Variants in FOXK1 observed in about 807,000 individuals in gnomAD.
The protein encoded by FOXK1 is forkhead box protein K1.
FOXK1 carries 19 observed loss-of-function variants against 51.9 expected under a neutral mutation model. That is an observed-to-expected ratio of 0.37 (90% CI 0.26 to 0.54). FOXK1 has a LOEUF of 0.54. Among genes scored for constraint, FOXK1 ranks in the 20% least tolerant of loss-of-function variants. The probability of loss-of-function intolerance (pLI) is 0.87; values close to 1 mark genes in which losing one functional copy is unlikely to be tolerated. For missense variants in FOXK1, 870 were observed against 1,032.7 expected, an observed-to-expected ratio of 0.84 and a Z score of 2.16; for synonymous variants, 537 against 482.6, an observed-to-expected ratio of 1.11 and a Z score of -1.48.
chr7:4,721,589 C>CTTTTTTTTTTTTTTTTTT (rs200132324), intron 1 of FOXK1, among the ~76,000 whole-genome samples: 3 of 112,652 alleles, frequency 2.7e-5, no homozygotes, highest in Non-Finnish European at 5.2e-5. Flanking sequence ...TCTTTTTTTT[C>CTTTTTTTTTTTTTTTTTT]TTTTTTTTTT....
rs1780151454 is a variant in FOXK1, at chr7:4,709,778, A to G, written c.560+26910A>G. ...ATTCTTGGCGTTGAGTGACCTCACG[A>G]TGTGCTGTCCGTCTTCTCGCTGTTC... is the stretch of plus-strand genomic sequence containing the variant. On this transcript the variant is annotated intron_variant, in intron 1 of 8. Transcript: ENST00000328914. This position sits in a 1 kb window ranked among gnomAD's most constrained non-coding sequence, Gnocchi z 5.6. Among the ~76,000 whole-genome samples, 1 of 152,204 alleles carries G rather than the reference A, an allele frequency of 6.6e-6. No individual in the cohort carries two copies. Among genetic ancestry groups the G allele is most frequent in the African/African-American group, 2.4e-5 (1 of 41,454 alleles).
rs1413949686 is a variant in FOXK1 at position 4,753,306 on chromosome 7, T to C, written c.747-1153T>C. On this transcript the variant is annotated intron_variant, in intron 2 of 8. Transcript: ENST00000328914. This position sits in a 1 kb window ranked among gnomAD's most constrained non-coding sequence, Gnocchi z 4.9. ...AGGGGGCTCCTACTTAACCTAAGTT[T>C]TGGAGATCTAGGAGTCTTGTGCCTG... is the stretch of plus-strand genomic sequence containing the variant. 6.6e-6 allele frequency among the ~76,000 whole-genome samples: 1 copy of C among 152,148 alleles called. No individual in the cohort carries two copies. The highest frequency in any genetic ancestry group is 1.5e-5 in the Non-Finnish European group (1 of 68,018).
chr7:4,735,985 C>T lies in FOXK1; in HGVS notation c.561-4853C>T, dbSNP rs1780547447. ...CCTGGCCAACATGACCCCGTCTCTA[C>T]TAAAAATACAAAACTTAGCTGGGCT... On this transcript the variant is annotated intron_variant, in intron 1 of 8. Transcript: ENST00000328914. The surrounding 1 kb of genome is among the most constrained non-coding windows in gnomAD (Gnocchi z 4.7). Among the ~76,000 whole-genome samples, 1 of 152,152 alleles carries T rather than the reference C, an allele frequency of 6.6e-6. No homozygotes were observed. The highest frequency in any genetic ancestry group is 6.6e-5 in the Admixed American group (1 of 15,254).
rs756439884 is a variant in FOXK1 at position 4,756,695 on chromosome 7, G to A, written c.1051-299G>A. On this transcript the variant is annotated intron_variant, in intron 4 of 8. Coordinates refer to ENST00000328914, the MANE Select transcript of FOXK1 (RefSeq NM_001037165.2). This position sits in a 1 kb window ranked among gnomAD's most constrained non-coding sequence, Gnocchi z 4.1. ...CAGGAGAATCCCTTGAACCCGGGAG[G>A]CGGAACTTGCAGTGAGCCGAGATCG... 1.3e-5 allele frequency among the ~76,000 whole-genome samples: 2 copies of A among 151,800 alleles called. No homozygotes were observed. Among genetic ancestry groups the A allele is most frequent in the Non-Finnish European group, 2.9e-5 (2 of 67,962 alleles).
rs1165421762 is a variant in FOXK1 at position 4,715,702 on chromosome 7, G to C, written c.561-25136G>C. On this transcript the variant is annotated intron_variant, in intron 1 of 8. Coordinates refer to ENST00000328914, the MANE Select transcript of FOXK1 (RefSeq NM_001037165.2). The surrounding 1 kb of genome is among the most constrained non-coding windows in gnomAD (Gnocchi z 4.5). Reference sequence around the variant, plus strand: ...CCTGGGCTTGTCAAGTCAGTCTGTAGTGCACGCCGTTAGATTGGTTGTCAT... The same window carrying C: ...CCTGGGCTTGTCAAGTCAGTCTGTACTGCACGCCGTTAGATTGGTTGTCAT... 5.3e-5 allele frequency among the ~76,000 whole-genome samples: 8 copies of C among 152,200 alleles called. No individual in the cohort carries two copies. The highest frequency in any genetic ancestry group is 5.2e-4 in the Admixed American group (8 of 15,274).
intron 1 of FOXK1, among the ~76,000 whole-genome samples, chr7:4,713,258 C>T (rs1034140159): frequency 2.0e-5 from 3 of 152,252 alleles, no homozygotes; most frequent in African/African-American, 7.2e-5. Flanking sequence ...CTGTACTGAT[C>T]GTAACAGTGC....
At chr7:4,760,155 G>GC (rs1163945966) in intron 7 of FOXK1, 1 of 153,016 alleles carries the variant, frequency 6.5e-6, no homozygotes, top group Non-Finnish European at 1.5e-5. Flanking sequence ...GGCCTTGCAT[G>GC]CATTTGGAAT....
At chr7:4,700,615 A>G (rs1431858468) in intron 1 of FOXK1, among the ~76,000 whole-genome samples, 2 of 152,122 alleles carry the variant, frequency 1.3e-5, no homozygotes, top group African/African-American at 4.8e-5. Context: ...CAGGTGTTGA[A>G]GACCAGCCTG....
rs555067464 is a variant in FOXK1, at chr7:4,728,135, G to A, written c.561-12703G>A. On this transcript the variant is annotated intron_variant, in intron 1 of 8. Transcript: ENST00000328914. ...GGGACCGGCTCACAAGCTTCTGTTTGGAGCAGTTCTGTTGGCAGCCCCCCG... is the reference window on the plus strand; with the variant it reads ...GGGACCGGCTCACAAGCTTCTGTTTAGAGCAGTTCTGTTGGCAGCCCCCCG... 2.6e-3 allele frequency among the ~76,000 whole-genome samples: 403 copies of A among 152,274 alleles called. 3 individuals are homozygous for A. Among genetic ancestry groups the A allele is most frequent in the Non-Finnish European group, 4.9e-3 (336 of 68,014 alleles).
chr7:4,720,493 A>G (rs12667710), intron 1 of FOXK1, among the ~76,000 whole-genome samples: 65,301 of 151,872 alleles, frequency 0.43, 14,604 homozygotes, highest in South Asian at 0.52. Context: ...GAGCCCATTC[A>G]TTGAGGTTTC....
In FOXK1 at chr7:4,686,935, TTC is replaced by T. The variant is rs770055533; in HGVS notation, c.560+4069_560+4070del. On this transcript the variant is annotated intron_variant, in intron 1 of 8. Transcript: ENST00000328914. The stretch of plus-strand genomic sequence containing the variant: ...TTGATGCCACTTAATTTTTTTTCTT[TTC>T]TTTTTTTTTTTTTGAGACAGAGTCT... Among the ~76,000 whole-genome samples the T allele has an allele frequency of 2.1e-4, 30 of 145,212 alleles. 1 individual carries two copies. The highest frequency in any genetic ancestry group is 5.8e-4 in the African/African-American group (21 of 36,066).
At chr7:4,728,371 C>T (rs760957450) in intron 1 of FOXK1, among the ~76,000 whole-genome samples, 1 of 152,306 alleles carries the variant, frequency 6.6e-6, no homozygotes, top group East Asian at 1.9e-4. Context: ...TGTCCGGCTG[C>T]GGCTGTGCTG....
chr7:4,689,980 G>T (rs1053580101), intron 1 of FOXK1, among the ~76,000 whole-genome samples: 1 of 152,204 alleles, frequency 6.6e-6, no homozygotes, highest in African/African-American at 2.4e-5. Flanking sequence ...TCTTTCCAGC[G>T]AGTAGACGTG....
rs75029514 is a variant in FOXK1, at chr7:4,722,007, A to G, written c.561-18831A>G. Among the ~76,000 whole-genome samples, 1 of 152,192 alleles carries G rather than the reference A, an allele frequency of 6.6e-6. No homozygotes were observed. Among genetic ancestry groups the G allele is most frequent in the African/African-American group, 2.4e-5 (1 of 41,442 alleles). On this transcript the variant is annotated intron_variant, in intron 1 of 8. Coordinates refer to ENST00000328914, the MANE Select transcript of FOXK1 (RefSeq NM_001037165.2). The surrounding 1 kb of genome is among the most constrained non-coding windows in gnomAD (Gnocchi z 5.1). ...CGCACAGCCGTGTTACTTTCTCCCA[A>G]AGGAGGCAGCCGGGGTGAGACTGGT...
intron 2 of FOXK1, among the ~76,000 whole-genome samples, chr7:4,754,037 G>T (rs1005792290): frequency 6.6e-6 from 1 of 152,162 alleles, no homozygotes; most frequent in Non-Finnish European, 1.5e-5. Flanking sequence ...GGGTTGTCCT[G>T]GGCCCGAGCC....
rs780384139 is a variant in FOXK1, at chr7:4,733,314, C to T, written c.561-7524C>T. Among the ~76,000 whole-genome samples the T allele has an allele frequency of 1.3e-5, 2 of 152,076 alleles. No homozygotes were observed. The highest frequency in any genetic ancestry group is 2.9e-5 in the Non-Finnish European group (2 of 68,020). ...AGAGTGCTGGGATTATAGATGTAAG[C>T]CACCCTACCCAGCCACACATGACCA... On this transcript the variant is annotated intron_variant, in intron 1 of 8. Transcript: ENST00000328914. This position sits in a 1 kb window ranked among gnomAD's most constrained non-coding sequence, Gnocchi z 5.0.
chr7:4,751,415 T>G (rs1214177947), intron 2 of FOXK1, among the ~76,000 whole-genome samples: 2 of 152,182 alleles, frequency 1.3e-5, no homozygotes, highest in African/African-American at 4.8e-5. Flanking sequence ...ATGTCTTGAT[T>G]AGTTTTCCGG....
Position 4,747,919 on chromosome 7 carries a change from C to T in FOXK1, c.747-6540C>T, listed in dbSNP as rs191463239. On this transcript the variant is annotated intron_variant, in intron 2 of 8. Coordinates refer to ENST00000328914, the MANE Select transcript of FOXK1 (RefSeq NM_001037165.2). This position sits in a 1 kb window ranked among gnomAD's most constrained non-coding sequence, Gnocchi z 9.2. ...GGAGTGCAGTGGTCCGGTCACGGCTCGCTGCAGCCTCGACCTCCGGGACTC... is the reference window on the plus strand; with the variant it reads ...GGAGTGCAGTGGTCCGGTCACGGCTTGCTGCAGCCTCGACCTCCGGGACTC... Among the ~76,000 whole-genome samples the T allele has an allele frequency of 3.3e-5, 5 of 152,236 alleles. No homozygotes were observed. The South Asian group carries it at 8.3e-4, about 25-fold the overall frequency.
chr7:4,697,014 G>C (rs961620774), intron 1 of FOXK1, among the ~76,000 whole-genome samples: 1 of 152,156 alleles, frequency 6.6e-6, no homozygotes, highest in Non-Finnish European at 1.5e-5. Context: ...GTTGCAGTGA[G>C]CCGAGATCAT....
Sources: allele counts gnomAD v4.1 joint callset (sites outside exome capture counted in the v4.1 genomes callset), GRCh38; gene constraint gnomAD v4.1.1; non-coding constraint Gnocchi (gnomAD v3.1); transcripts MANE v1.5; gene names NCBI Gene and HGNC (gene_info 2026-07-23, HGNC 2026-07-21).